Variants in UBE2G1 observed in about 807,000 individuals in gnomAD.
UBE2G1 encodes the protein ubiquitin-conjugating enzyme E2 G1.
In UBE2G1, 5 loss-of-function variants were observed where a neutral mutation model predicts 22.7. The ratio of observed to expected loss-of-function variants is 0.22; its 90% CI spans 0.12 to 0.46. UBE2G1 has a LOEUF of 0.46. Ranked by LOEUF, UBE2G1 falls within the 20% of genes least tolerant of loss-of-function variation. UBE2G1 has a pLI of 0.99. For missense variants in UBE2G1, 88 were observed against 203.9 expected (o/e 0.43, Z 3.46); for synonymous variants, 74 against 67.5 (o/e 1.10, Z -0.47).
intron 1 of UBE2G1, among the ~76,000 whole-genome samples, chr17:4,352,940 C>T (rs1013423534): frequency 2.6e-5 from 4 of 152,148 alleles, no homozygotes; most frequent in Non-Finnish European, 5.9e-5. Flanking sequence ...CGGGTGTGGC[C>T]GGGTACACTG....
intron 1 of UBE2G1, among the ~76,000 whole-genome samples, chr17:4,315,041 T>C (rs1274757693): frequency 6.6e-6 from 1 of 152,186 alleles, no homozygotes; most frequent in East Asian, 1.9e-4. Context: ...CTTTTTGAGT[T>C]TGGCAGTGGT....
In UBE2G1 at chr17:4,270,077, G is replaced by A. The variant is rs950607514; in HGVS notation, c.*2477C>T. On this transcript the variant is annotated 3_prime_UTR_variant, in exon 6 of 6. Coordinates refer to ENST00000396981, the MANE Select transcript of UBE2G1 (RefSeq NM_003342.5). The stretch of plus-strand genomic sequence containing the variant: ...GTATGTAACACACTCAGGGCAGGTG[G>A]AAAAGCATGTGGAGACGCACTCATG... The A allele has an allele frequency of 3.9e-5, 6 of 152,500 alleles. No individual in the cohort carries two copies. The highest frequency in any genetic ancestry group is 6.5e-5 in the Admixed American group (1 of 15,268). The allele number at this position is 152,500 out of a possible 1,614,324, so 9.4% of individuals were successfully genotyped here. A position where few individuals can be genotyped will look rare whatever the true frequency, so the allele number is the denominator to read the frequency against.
chr17:4,336,750 T>C (rs1969653083), intron 1 of UBE2G1, among the ~76,000 whole-genome samples: 2 of 152,164 alleles, frequency 1.3e-5, no homozygotes, highest in African/African-American at 4.8e-5. Context: ...TGGGATTACA[T>C]GTGAGCCACC....
intron 1 of UBE2G1, among the ~76,000 whole-genome samples, chr17:4,326,967 G>C (rs937309476): frequency 2.0e-5 from 3 of 152,156 alleles, no homozygotes; most frequent in Admixed American, 2.0e-4. Context: ...TTTGAAACCA[G>C]CCAGGCCAAC....
At chr17:4,337,653 CAA>C (rs1232841786) in intron 1 of UBE2G1, among the ~76,000 whole-genome samples, 8 of 89,012 alleles carry the variant, frequency 9.0e-5, no homozygotes, top group Non-Finnish European at 1.4e-4. Flanking sequence ...AACTCGGTCT[CAA>C]AAAAAAAAAA....
intron 1 of UBE2G1, among the ~76,000 whole-genome samples, chr17:4,358,969 A>G (rs1352117806): frequency 2.0e-5 from 3 of 151,952 alleles, no homozygotes; most frequent in Non-Finnish European, 4.4e-5. Flanking sequence ...ATAAAATTAA[A>G]AAAAAAAAAG....
At position 4,345,536 on chromosome 17, in the gene UBE2G1, A is replaced by G. The variant is rs141542907; in HGVS notation, c.46+20735T>C. 12 of 152,338 alleles carry G rather than the reference A, an allele frequency of 7.9e-5. No homozygotes were observed. The East Asian group carries it at 1.3e-3, about 17-fold the overall frequency. 9.4% of individuals were successfully genotyped at this position (152,338 alleles called of 1,614,324 possible). On this transcript the variant is annotated intron_variant, in intron 1 of 5. Transcript: ENST00000396981. ...CTTTAAAACTTTAAAAATCACACATACAGTAAATAAACCTTCGGTAACACT... is the reference window on the plus strand; with the variant it reads ...CTTTAAAACTTTAAAAATCACACATGCAGTAAATAAACCTTCGGTAACACT...
intron 1 of UBE2G1, among the ~76,000 whole-genome samples, chr17:4,331,622 T>C (rs1969579292): frequency 6.6e-6 from 1 of 152,182 alleles, no homozygotes; most frequent in Non-Finnish European, 1.5e-5. Context: ...AGAAGTTAAA[T>C]AAATTTTTCT....
intron 1 of UBE2G1, among the ~76,000 whole-genome samples, chr17:4,346,828 T>C (rs1351196371): frequency 6.6e-6 from 1 of 152,124 alleles, no homozygotes; most frequent in East Asian, 1.9e-4. Context: ...TATCTATATA[T>C]GCCCAGTATT....
Position 4,366,323 on chromosome 17 carries a change from T to C in UBE2G1, c.-7A>G, listed in dbSNP as rs200497628. The C allele has an allele frequency of 6.6e-3, 10,232 of 1,542,978 alleles. 55 individuals carry two copies. Among genetic ancestry groups the C allele is most frequent in the Non-Finnish European group, 6.9e-3 (7,910 of 1,153,920 alleles). Reference sequence around the variant, plus strand: ...CCGACTGCAGCTCCGTCATCCTCCCTGCCGAGGGCCCGGGCTGGCGCCGGG... The same window carrying C: ...CCGACTGCAGCTCCGTCATCCTCCCCGCCGAGGGCCCGGGCTGGCGCCGGG... On this transcript the variant is annotated 5_prime_UTR_variant, in exon 1 of 6. Transcript: ENST00000396981.
At chr17:4,276,949 G>A (rs377551035) in intron 5 of UBE2G1, among the ~76,000 whole-genome samples, 24 of 152,250 alleles carry the variant, frequency 1.6e-4, no homozygotes, top group South Asian at 4.1e-4. Context: ...AACTCCACCC[G>A]TCTAATCCAC....
At position 4,334,541 on chromosome 17, in the gene UBE2G1, CTGTT is replaced by C. The variant is rs145122310; in HGVS notation, c.47-27422_47-27419del. Among the ~76,000 whole-genome samples, 51 of 151,958 alleles carry C rather than the reference CTGTT, an allele frequency of 3.4e-4. 1 individual carries two copies. In the East Asian group the frequency reaches 4.1e-3, roughly 12 times the overall value. ...CTTCTCAAAAACAATGTGGTTTTAC[CTGTT>C]TGTTTGTTTGTTTTTGAGAGGGAGT... On this transcript the variant is annotated intron_variant, in intron 1 of 5. Coordinates refer to ENST00000396981, the MANE Select transcript of UBE2G1 (RefSeq NM_003342.5).
intron 2 of UBE2G1, among the ~76,000 whole-genome samples, chr17:4,298,425 A>T (rs950873247): frequency 6.6e-6 from 1 of 152,240 alleles, no homozygotes; most frequent in Non-Finnish European, 1.5e-5. Context: ...AACTAACAAT[A>T]GTTAGTGTTA....
chr17:4,345,019 G>A (rs1969753520), intron 1 of UBE2G1, among the ~76,000 whole-genome samples: 1 of 152,102 alleles, frequency 6.6e-6, no homozygotes, highest in African/African-American at 2.4e-5. Flanking sequence ...CAGAATTACT[G>A]AAAATTTTAA....
chr17:4,280,645 T>TC (rs1968877242), intron 5 of UBE2G1, among the ~76,000 whole-genome samples: 1 of 150,816 alleles, frequency 6.6e-6, no homozygotes, highest in African/African-American at 2.4e-5. Context: ...TGGGAATCTT[T>TC]TTTTTTTTTG....
At chr17:4,338,471 G>A (rs11078496) in intron 1 of UBE2G1, among the ~76,000 whole-genome samples, 6 of 152,242 alleles carry the variant, frequency 3.9e-5, no homozygotes, top group East Asian at 1.9e-4. Flanking sequence ...TACACAGTTA[G>A]CTCCCCCCTC....
intron 1 of UBE2G1, among the ~76,000 whole-genome samples, chr17:4,315,676 CT>C (rs2143749635): frequency 6.6e-6 from 1 of 150,452 alleles, no homozygotes; most frequent in East Asian, 2.0e-4. Context: ...GGAGGCGGAG[CT>C]TGCAGTGAGC....
intron 1 of UBE2G1, among the ~76,000 whole-genome samples, chr17:4,318,001 A>G (rs1276304144): frequency 6.6e-6 from 1 of 152,186 alleles, no homozygotes; most frequent in African/African-American, 2.4e-5. Flanking sequence ...TCACTTCACA[A>G]TGGAAAATTT....
chr17:4,313,481 G>A (rs1969334075), intron 1 of UBE2G1, among the ~76,000 whole-genome samples: 1 of 152,126 alleles, frequency 6.6e-6, no homozygotes, highest in Non-Finnish European at 1.5e-5. Context: ...TTTTCTGAAT[G>A]CTATCTAGAG....
Sources: allele counts gnomAD v4.1 joint callset (sites outside exome capture counted in the v4.1 genomes callset), GRCh38; gene constraint gnomAD v4.1.1; transcripts MANE v1.5; gene names NCBI Gene and HGNC (gene_info 2026-07-23, HGNC 2026-07-21).